Variants in PCDHA7 observed in about 807,000 individuals in gnomAD.
PCDHA7 encodes protocadherin alpha 7.
PCDHA7 carries 37 observed loss-of-function variants against 57.2 expected under a neutral mutation model. The ratio of observed to expected loss-of-function variants is 0.65; its 90% confidence interval spans 0.50 to 0.85. The LOEUF (loss-of-function observed/expected upper bound fraction) is 0.85, where lower values mean the gene tolerates loss of function less well. Among genes scored for constraint, PCDHA7 ranks in the 40% least tolerant of loss-of-function variants. The pLI, the probability that PCDHA7 is intolerant of heterozygous loss-of-function variation, is 0.00. For missense variants in PCDHA7, 1,188 were observed against 1,241.8 expected (o/e 0.96, Z 0.65); for synonymous variants, 553 against 558.8 (o/e 0.99, Z 0.15).
chr5:140,888,753 A>G (rs1237459726), intron 1 of PCDHA7, among the ~76,000 whole-genome samples: 1 of 149,022 alleles, frequency 6.7e-6, no homozygotes, highest in Non-Finnish European at 1.5e-5. Flanking sequence ...TATTCTACCC[A>G]CTTTTTTTTT....
At chr5:140,912,174 A>G (rs2075803513) in intron 1 of PCDHA7, among the ~76,000 whole-genome samples, 1 of 152,166 alleles carries the variant, frequency 6.6e-6, no homozygotes, top group Non-Finnish European at 1.5e-5. Flanking sequence ...CTGTGCTGGC[A>G]GCTGATTAGA....
intron 1 of PCDHA7, among the ~76,000 whole-genome samples, chr5:140,976,681 A>T (rs2096726641): frequency 6.6e-6 from 1 of 152,206 alleles, no homozygotes; most frequent in Non-Finnish European, 1.5e-5. Context: ...TCATTTTTGC[A>T]ATTTAAGTAC....
chr5:140,932,562 G>A lies in PCDHA7; in HGVS notation c.2356-46387G>A, dbSNP rs566002035. The stretch of plus-strand genomic sequence containing the variant: ...TTATTTAACATACATTCCACAAGTA[G>A]ACTTTCCCATAGGGTAATTAGATGT... On this transcript the variant is annotated intron_variant, in intron 1 of 3. Coordinates refer to ENST00000525929, the MANE Select transcript of PCDHA7 (RefSeq NM_018910.3). Among the ~76,000 whole-genome samples the A allele has an allele frequency of 1.9e-4, 29 of 151,988 alleles. No individual in the cohort carries two copies. The South Asian group carries it at 6.0e-3, about 32-fold the overall frequency.
At chr5:140,899,359 T>A (rs1247414230) in intron 1 of PCDHA7, among the ~76,000 whole-genome samples, 57 of 152,234 alleles carry the variant, frequency 3.7e-4, no homozygotes, top group Admixed American at 1.4e-3. Flanking sequence ...TTTTGAGATA[T>A]GTCCCATCAA....
At chr5:140,899,032 A>G (rs1377878756) in intron 1 of PCDHA7, among the ~76,000 whole-genome samples, 2 of 151,890 alleles carry the variant, frequency 1.3e-5, no homozygotes, top group African/African-American at 4.8e-5. Context: ...ATTTTTGTAC[A>G]TTGATTTTGT....
At chr5:140,841,948 C>T (rs1777604440) in intron 1 of PCDHA7, 1 of 1,613,804 alleles carries the variant, frequency 6.2e-7, no homozygotes, top group Non-Finnish European at 8.5e-7. Flanking sequence ...CTGCGCACCA[C>T]TTATTCCTGA....
rs35184029 is a variant in PCDHA7 at position 140,997,668 on chromosome 5, T to TTGTG, written c.2504-11933_2504-11930dup. 2.7e-3 allele frequency among the ~76,000 whole-genome samples: 396 copies of TTGTG among 148,340 alleles called. 1 individual carries two copies. Among genetic ancestry groups the TTGTG allele is most frequent in the African/African-American group, 5.1e-3 (207 of 40,232 alleles). On this transcript the variant is annotated intron_variant, in intron 3 of 3. Transcript: ENST00000525929. ...AATGCAATATGTATTATTATACAGC[T>TTGTG]TGTGTGTGTGTGTGTGTGTGTGTGT...
At chr5:140,861,509 G>T in intron 1 of PCDHA7, 1 of 479,910 alleles carries the variant, frequency 2.1e-6, no homozygotes, top group Non-Finnish European at 4.3e-6. Context: ...ACCTCGAGGA[G>T]CTGTGTGGGA....
chr5:140,850,073 G>A, intron 1 of PCDHA7: 1 of 1,596,556 alleles, frequency 6.3e-7, no homozygotes, highest in Non-Finnish European at 8.6e-7. Context: ...TGGACCACGA[G>A]GAGCTGGAGC....
At chr5:140,975,523 A>T (rs1275717294) in intron 1 of PCDHA7, among the ~76,000 whole-genome samples, 1 of 152,196 alleles carries the variant, frequency 6.6e-6, no homozygotes, top group African/African-American at 2.4e-5. Flanking sequence ...TCTGCAGTGG[A>T]TATATTCTTA....
intron 1 of PCDHA7, chr5:140,848,245 A>G: frequency 2.2e-6 from 1 of 452,154 alleles, no homozygotes; most frequent in Non-Finnish European, 3.9e-6. Context: ...AGTTTTGCAG[A>G]ATAACTGTGA....
intron 1 of PCDHA7, among the ~76,000 whole-genome samples, chr5:140,934,654 T>G (rs1178051306): frequency 6.6e-6 from 1 of 152,168 alleles, no homozygotes; most frequent in African/African-American, 2.4e-5. Flanking sequence ...AATGTTTGAT[T>G]CTTCCCCTTT....
At position 140,967,913 on chromosome 5, in the gene PCDHA7, A is replaced by G. The variant is rs548732358; in HGVS notation, c.2356-11036A>G. 3.7e-6 allele frequency: 6 copies of G among 1,614,184 alleles called. No homozygotes were observed. The highest frequency in any genetic ancestry group is 1.3e-5 in the African/African-American group (1 of 75,042). ...GCCTGAGAATGCTACACCCAACACC[A>G]TTGTGGCCGTTCTCAGTGTCAATGA... On this transcript the variant is annotated intron_variant, in intron 1 of 3. Transcript: ENST00000525929.
At chr5:140,910,479 A>G (rs2075041093) in intron 1 of PCDHA7, among the ~76,000 whole-genome samples, 1 of 152,212 alleles carries the variant, frequency 6.6e-6, no homozygotes. Context: ...AAAATCTGGC[A>G]TACAGAGAAG....
At chr5:140,903,545 CTT>C (rs1410531246) in intron 1 of PCDHA7, among the ~76,000 whole-genome samples, 2 of 152,130 alleles carry the variant, frequency 1.3e-5, no homozygotes, top group East Asian at 3.8e-4. Flanking sequence ...GAGCAAGAAA[CTT>C]TTCTAATAAG....
In PCDHA7 at chr5:140,850,849, G is replaced by A. The variant is rs2150500367; in HGVS notation, c.2355+14111G>A. On this transcript the variant is annotated intron_variant, in intron 1 of 3. Coordinates refer to ENST00000525929, the MANE Select transcript of PCDHA7 (RefSeq NM_018910.3). ...TCTCCTTGTGCTGGATCTACAGAGC[G>A]AACGGGAGAACCCTCTGCTTCCTCA... The A allele has an allele frequency of 8.1e-6, 13 of 1,596,194 alleles. 3 individuals are homozygous for A. Among genetic ancestry groups the A allele is most frequent in the East Asian group, 2.2e-5 (1 of 44,844 alleles).
At chr5:140,987,949 A>G (rs1251112253) in intron 3 of PCDHA7, among the ~76,000 whole-genome samples, 1 of 152,162 alleles carries the variant, frequency 6.6e-6, no homozygotes, top group Non-Finnish European at 1.5e-5. Context: ...CTGTCTGACA[A>G]AACCAACTCC....
intron 1 of PCDHA7, among the ~76,000 whole-genome samples, chr5:140,976,475 C>T (rs1160749030): frequency 1.3e-5 from 2 of 151,996 alleles, no homozygotes; most frequent in Non-Finnish European, 1.5e-5. Flanking sequence ...TGCTTGAATC[C>T]GGGAGGCAGA....
chr5:141,002,975 A>G (rs188944079), intron 3 of PCDHA7, among the ~76,000 whole-genome samples: 1 of 152,338 alleles, frequency 6.6e-6, no homozygotes, highest in Admixed American at 6.5e-5. Context: ...TGAAAATAGT[A>G]TCCTTGGTCA....
Sources: gnomAD v4.1 joint callset for allele counts (sites outside exome capture counted in the v4.1 genomes callset) on GRCh38, gnomAD v4.1.1 for gene constraint, MANE v1.5 for transcripts, NCBI Gene and HGNC (gene_info 2026-07-23, HGNC 2026-07-21) for gene names.